The following EPHA6 variants were observed in gnomAD, a reference collection of about 807,000 sequenced individuals.
EPHA6 encodes the protein ephrin type-A receptor 6.
EPHA6 carries 50 observed loss-of-function variants against 112.0 expected under a neutral mutation model. The ratio of observed to expected loss-of-function variants is 0.45; its 90% CI spans 0.36 to 0.56. The LOEUF (loss-of-function observed/expected upper bound fraction) is 0.56. EPHA6 is among the 20% of genes least tolerant of loss of function. The probability of loss-of-function intolerance (pLI) is 0.00; values close to 1 mark genes in which losing one functional copy is unlikely to be tolerated. For synonymous variants in EPHA6, 529 were observed against 490.7 expected, an observed-to-expected ratio of 1.08 and a Z score of -1.03; for missense variants, 1,280 against 1,417.4, an observed-to-expected ratio of 0.90 and a Z score of 1.56.
chr3:97,560,079 CA>C (rs1296702142), intron 11 of EPHA6, among the ~76,000 whole-genome samples: 14 of 150,114 alleles, frequency 9.3e-5, no homozygotes, highest in Non-Finnish European at 7.4e-5. Flanking sequence ...GAGTGAGAGT[CA>C]AAAAATAAAA....
At chr3:97,682,128 A>G (rs915752514) in intron 14 of EPHA6, among the ~76,000 whole-genome samples, 1 of 152,090 alleles carries the variant, frequency 6.6e-6, no homozygotes, top group African/African-American at 2.4e-5. Flanking sequence ...AGCCCATCTA[A>G]TTAAGTAATT....
chr3:97,546,545 G>T (rs1170647720), intron 11 of EPHA6, among the ~76,000 whole-genome samples: 1 of 152,042 alleles, frequency 6.6e-6, no homozygotes, highest in African/African-American at 2.4e-5. Flanking sequence ...TATGTGTCTT[G>T]GGGTTGCTCT....
intron 2 of EPHA6, among the ~76,000 whole-genome samples, chr3:96,893,396 G>A (rs1017056843): frequency 3.9e-5 from 6 of 151,956 alleles, no homozygotes; most frequent in South Asian, 2.1e-4. Context: ...ATCTTGCATC[G>A]ATTTAATTTT....
At chr3:97,611,952 T>A (rs2093724078) in intron 13 of EPHA6, among the ~76,000 whole-genome samples, 1 of 152,002 alleles carries the variant, frequency 6.6e-6, no homozygotes, top group South Asian at 2.1e-4. Flanking sequence ...ATACTCTGAC[T>A]GGGCTTGATG....
chr3:96,904,650 T>G (rs1172223990), intron 2 of EPHA6, among the ~76,000 whole-genome samples: 1 of 152,136 alleles, frequency 6.6e-6, no homozygotes, highest in African/African-American at 2.4e-5. Context: ...TTGTTGAAGT[T>G]TATTTTATTG....
chr3:97,330,565 A>T (rs1281497850), intron 5 of EPHA6, among the ~76,000 whole-genome samples: 1 of 152,020 alleles, frequency 6.6e-6, no homozygotes, highest in Non-Finnish European at 1.5e-5. Flanking sequence ...TAGGCATTTA[A>T]TTCTCTTTGA....
At chr3:97,687,919 G>T (rs1174267375) in intron 14 of EPHA6, among the ~76,000 whole-genome samples, 1 of 152,168 alleles carries the variant, frequency 6.6e-6, no homozygotes, top group Non-Finnish European at 1.5e-5. Context: ...GAATGCCAGA[G>T]TGATTAGCCA....
chr3:97,174,726 A>T (rs1027235038), intron 3 of EPHA6, among the ~76,000 whole-genome samples: 8 of 151,726 alleles, frequency 5.3e-5, no homozygotes, highest in Non-Finnish European at 1.0e-4. Flanking sequence ...TATTTTGCCC[A>T]TGTGTTGATC....
intron 14 of EPHA6, among the ~76,000 whole-genome samples, chr3:97,658,353 T>C (rs301959): frequency 0.62 from 94,200 of 151,556 alleles, 29,472 homozygotes; most frequent in African/African-American, 0.71. Context: ...TGTAAAAATG[T>C]ATGTCCCTTC....
chr3:97,305,755 A>G (rs2081293096), intron 5 of EPHA6, among the ~76,000 whole-genome samples: 1 of 151,786 alleles, frequency 6.6e-6, no homozygotes, highest in South Asian at 2.1e-4. Flanking sequence ...ATAAATAGCT[A>G]ATGCCTGTGG....
At chr3:97,362,673 G>A (rs2084439534) in intron 5 of EPHA6, among the ~76,000 whole-genome samples, 1 of 151,880 alleles carries the variant, frequency 6.6e-6, no homozygotes. Flanking sequence ...AAAAAATACA[G>A]CAATAAGTAC....
At chr3:97,091,249 A>C (rs192804359) in intron 3 of EPHA6, among the ~76,000 whole-genome samples, 1 of 152,252 alleles carries the variant, frequency 6.6e-6, no homozygotes, top group Admixed American at 6.6e-5. Flanking sequence ...ATAGTCTCAG[A>C]AGTCTTTGCC....
intron 13 of EPHA6, among the ~76,000 whole-genome samples, chr3:97,623,597 G>A (rs573362133): frequency 6.6e-6 from 1 of 151,668 alleles, no homozygotes; most frequent in South Asian, 2.1e-4. Flanking sequence ...AAAGCTGTGT[G>A]CTTACATGGT....
At chr3:97,336,707 T>A (rs2083071162) in intron 5 of EPHA6, among the ~76,000 whole-genome samples, 1 of 152,142 alleles carries the variant, frequency 6.6e-6, no homozygotes, top group Non-Finnish European at 1.5e-5. Context: ...GATCCAGGAA[T>A]CATAATTCTA....
intron 11 of EPHA6, among the ~76,000 whole-genome samples, chr3:97,591,592 AT>A (rs937109750): frequency 2.6e-5 from 4 of 151,940 alleles, no homozygotes; most frequent in African/African-American, 9.7e-5. Flanking sequence ...TTCTAGTGCA[AT>A]TTTTGCCTTT....
chr3:97,711,692 A>G (rs565072934), intron 14 of EPHA6, among the ~76,000 whole-genome samples: 1 of 152,134 alleles, frequency 6.6e-6, no homozygotes, highest in Non-Finnish European at 1.5e-5. Context: ...CTTTTGTTCT[A>G]TCTGGGCCCT....
chr3:96,855,984 G>A (rs1465439424), intron 1 of EPHA6, among the ~76,000 whole-genome samples: 2 of 152,082 alleles, frequency 1.3e-5, no homozygotes, highest in African/African-American at 4.8e-5. Context: ...GGAGGCCAGG[G>A]TTGCATAAGG....
intron 5 of EPHA6, among the ~76,000 whole-genome samples, chr3:97,285,601 A>G (rs1054056964): frequency 3.3e-5 from 5 of 152,172 alleles, no homozygotes; most frequent in African/African-American, 4.8e-5. Context: ...TGTATATATC[A>G]TATTTTCTTT....
At chr3:97,187,837 C>T (rs1240608413) in intron 3 of EPHA6, among the ~76,000 whole-genome samples, 1 of 151,926 alleles carries the variant, frequency 6.6e-6, no homozygotes, top group Admixed American at 6.6e-5. Context: ...TCAATGAGTA[C>T]AGAGGGGGAG....
Sources: gnomAD v4.1 joint callset for allele counts (sites outside exome capture counted in the v4.1 genomes callset) on GRCh38, gnomAD v4.1.1 for gene constraint, MANE v1.5 for transcripts, NCBI Gene and HGNC (gene_info 2026-07-23, HGNC 2026-07-21) for gene names.